Variants in ZNF277 observed in about 807,000 individuals in gnomAD.
ZNF277 encodes the protein nuclear receptor-interacting factor 4.
In ZNF277, 55 loss-of-function variants were observed where a neutral mutation model predicts 60.7. That is an observed-to-expected ratio of 0.91 (90% confidence interval 0.73 to 1.13). The LOEUF is 1.13. ZNF277 is among the 50% of genes most tolerant of loss of function. ZNF277 has a pLI of 0.00. For synonymous variants in ZNF277, 178 were observed against 179.3 expected (o/e 0.99, Z 0.06); for missense variants, 510 against 523.0 (o/e 0.98, Z 0.24).
At chr7:112,228,244 T>C (rs1443194731) in intron 1 of ZNF277, among the ~76,000 whole-genome samples, 1 of 152,098 alleles carries the variant, frequency 6.6e-6, no homozygotes, top group Non-Finnish European at 1.5e-5. Context: ...CAGGATGCTC[T>C]CAAGATCCTT....
chr7:112,292,273 G>A (rs535777758), intron 2 of ZNF277, among the ~76,000 whole-genome samples: 1 of 152,182 alleles, frequency 6.6e-6, no homozygotes. Flanking sequence ...TCAGGCTCCT[G>A]TTACCTCTGT....
intron 5 of ZNF277, among the ~76,000 whole-genome samples, chr7:112,321,267 T>G (rs1792975874): frequency 6.6e-6 from 1 of 152,004 alleles, no homozygotes; most frequent in Non-Finnish European, 1.5e-5. Flanking sequence ...TCTTAGTGTT[T>G]GCCCTGGGGA....
chr7:112,209,141 G>T (rs536696827), intron 1 of ZNF277, among the ~76,000 whole-genome samples: 1 of 151,338 alleles, frequency 6.6e-6, no homozygotes. Context: ...AAATATGATT[G>T]TGCCATTCTT....
At chr7:112,246,108 G>A (rs1241969112) in intron 1 of ZNF277, among the ~76,000 whole-genome samples, 1 of 152,120 alleles carries the variant, frequency 6.6e-6, no homozygotes, top group Non-Finnish European at 1.5e-5. Context: ...GTAAGGCCGA[G>A]TACAGTGGCT....
intron 1 of ZNF277, among the ~76,000 whole-genome samples, chr7:112,260,807 T>G (rs1398892407): frequency 6.6e-6 from 1 of 152,210 alleles, no homozygotes; most frequent in Non-Finnish European, 1.5e-5. Context: ...TTGGGCCTAC[T>G]CTAGTGTCTC....
chr7:112,216,618 T>C (rs1040003042), intron 1 of ZNF277, among the ~76,000 whole-genome samples: 3 of 152,220 alleles, frequency 2.0e-5, no homozygotes, highest in African/African-American at 7.2e-5. Flanking sequence ...ACTGTGATTT[T>C]AGAGAAGTCA....
intron 1 of ZNF277, among the ~76,000 whole-genome samples, chr7:112,267,913 C>T (rs1376812029): frequency 6.6e-6 from 1 of 152,104 alleles, no homozygotes; most frequent in Non-Finnish European, 1.5e-5. Context: ...AATTCTCAAG[C>T]ATCAGGAACT....
intron 4 of ZNF277, among the ~76,000 whole-genome samples, chr7:112,310,334 A>T (rs1325127933): frequency 6.6e-6 from 1 of 151,874 alleles, no homozygotes; most frequent in East Asian, 1.9e-4. Flanking sequence ...TTAATAAGTT[A>T]TCTCCTAGGA....
intron 1 of ZNF277, among the ~76,000 whole-genome samples, chr7:112,261,528 A>G (rs559844055): frequency 6.6e-6 from 1 of 152,256 alleles, no homozygotes; most frequent in South Asian, 2.1e-4. Flanking sequence ...GGAAAGAATG[A>G]TAACTCTGGA....
At chr7:112,224,014 G>T (rs1044349666) in intron 1 of ZNF277, among the ~76,000 whole-genome samples, 2 of 152,132 alleles carry the variant, frequency 1.3e-5, no homozygotes, top group Non-Finnish European at 1.5e-5. Context: ...GGTTCTGCTC[G>T]GGCACTGTCA....
At chr7:112,242,607 A>G (rs149305669) in intron 1 of ZNF277, among the ~76,000 whole-genome samples, 12 of 151,790 alleles carry the variant, frequency 7.9e-5, no homozygotes, top group African/African-American at 2.9e-4. Context: ...AATACATTTA[A>G]CCAAGGAGGT....
At chr7:112,258,463 C>CA (rs1333548107) in intron 1 of ZNF277, among the ~76,000 whole-genome samples, 18 of 143,102 alleles carry the variant, frequency 1.3e-4, no homozygotes, top group Admixed American at 4.9e-4. Context: ...GTACTTACGC[C>CA]AAAAAAAAAA....
intron 5 of ZNF277, among the ~76,000 whole-genome samples, chr7:112,320,388 A>C (rs1792949823): frequency 6.6e-6 from 1 of 152,144 alleles, no homozygotes. Flanking sequence ...CCTTTCATTC[A>C]TCAGTTCTTT....
chr7:112,312,918 C>T (rs1031323527), intron 4 of ZNF277, among the ~76,000 whole-genome samples: 3 of 151,910 alleles, frequency 2.0e-5, no homozygotes, highest in Non-Finnish European at 2.9e-5. Flanking sequence ...CTGTTCCAGA[C>T]ATAATAGTTA....
At chr7:112,294,856 G>A (rs375525638) in intron 2 of ZNF277, among the ~76,000 whole-genome samples, 26 of 152,106 alleles carry the variant, frequency 1.7e-4, no homozygotes, top group East Asian at 9.6e-4. Flanking sequence ...AACTTTACAG[G>A]AATCTTCAAA....
At position 112,336,155 on chromosome 7, in the gene ZNF277, C is replaced by T. The variant is rs201171454; in HGVS notation, c.853C>T (p.Leu285=). The T allele has an allele frequency of 6.2e-6, 10 of 1,610,648 alleles. No individual in the cohort carries two copies. The highest frequency in any genetic ancestry group is 1.3e-5 in the African/African-American group (1 of 74,824). ...TCAGTTGGAAGATGATCGGGAGTTG[C>T]TGGACCATCAGGAAGAGTAAGAGTT... ...EVQLEDDREL[L]DHQEDDWSDW... The change falls in exon 8 of 12, where the codon CTG becomes TTG. Residue 285 remains leucine, a synonymous_variant. Transcript: ENST00000361822.
intron 1 of ZNF277, among the ~76,000 whole-genome samples, chr7:112,285,429 A>T (rs1326309598): frequency 7.2e-6 from 1 of 138,452 alleles, no homozygotes; most frequent in Non-Finnish European, 1.5e-5. Context: ...AAAAAAAAAT[A>T]GGAAATTTTT....
At chr7:112,211,006 A>G (rs538385064) in intron 1 of ZNF277, among the ~76,000 whole-genome samples, 49 of 152,328 alleles carry the variant, frequency 3.2e-4, no homozygotes, top group African/African-American at 1.0e-3. Flanking sequence ...ATTAATCTGT[A>G]TCTCCATATT....
At chr7:112,312,602 G>T (rs748589310) in intron 4 of ZNF277, among the ~76,000 whole-genome samples, 6 of 152,008 alleles carry the variant, frequency 3.9e-5, no homozygotes, top group Non-Finnish European at 8.8e-5. Context: ...AAATGTACGC[G>T]TGCATGTGAA....
Sources: allele counts gnomAD v4.1 joint callset (sites outside exome capture counted in the v4.1 genomes callset), GRCh38; gene constraint gnomAD v4.1.1; transcripts MANE v1.5; gene names NCBI Gene and HGNC (gene_info 2026-07-23, HGNC 2026-07-21).